Variants in GPC5 observed in about 807,000 individuals in gnomAD.
GPC5 encodes glypican-5.
In GPC5, 47 loss-of-function variants were observed where a neutral mutation model predicts 53.9. The ratio of observed to expected loss-of-function variants is 0.87; its 90% confidence interval spans 0.69 to 1.11. GPC5 has a LOEUF of 1.11. Ranked by LOEUF, GPC5 falls within the 50% of genes most tolerant of loss-of-function variation. GPC5 has a pLI of 0.00. For synonymous variants in GPC5, 286 were observed against 263.3 expected (o/e 1.09, Z -0.84); for missense variants, 748 against 713.1 (o/e 1.05, Z -0.56).
At chr13:92,258,620 A>C (rs1479055320) in intron 7 of GPC5, among the ~76,000 whole-genome samples, 1 of 152,188 alleles carries the variant, frequency 6.6e-6, no homozygotes, top group Non-Finnish European at 1.5e-5. Context: ...TGTAACTAGG[A>C]GTTAATAGTC....
intron 7 of GPC5, among the ~76,000 whole-genome samples, chr13:92,679,881 A>AC (rs1247280231): frequency 2.7e-4 from 30 of 111,624 alleles, no homozygotes; most frequent in South Asian, 7.0e-4. Context: ...TCCTCTCTCC[A>AC]CCCCCCCACC....
At chr13:92,050,233 G>A (rs973347928) in intron 6 of GPC5, among the ~76,000 whole-genome samples, 2 of 152,036 alleles carry the variant, frequency 1.3e-5, no homozygotes. Context: ...ATTGTTTTAG[G>A]TAAAACATAT....
At chr13:92,058,998 C>G (rs970977519) in intron 6 of GPC5, among the ~76,000 whole-genome samples, 3 of 152,174 alleles carry the variant, frequency 2.0e-5, no homozygotes, top group Non-Finnish European at 2.9e-5. Flanking sequence ...CATTTTTGCT[C>G]ATAAAAAACT....
intron 5 of GPC5, among the ~76,000 whole-genome samples, chr13:91,811,250 A>C (rs531603930): frequency 7.9e-5 from 12 of 152,184 alleles, no homozygotes; most frequent in Admixed American, 5.9e-4. Context: ...CTGATATATT[A>C]AGACTAATTT....
intron 7 of GPC5, among the ~76,000 whole-genome samples, chr13:92,860,580 T>A (rs1283823615): frequency 6.6e-6 from 1 of 152,150 alleles, no homozygotes; most frequent in Admixed American, 6.6e-5. Context: ...TTTGTTAGAA[T>A]CCTTAATGTC....
intron 4 of GPC5, among the ~76,000 whole-genome samples, chr13:91,731,883 AG>A (rs766149736): frequency 1.3e-5 from 2 of 152,172 alleles, no homozygotes; most frequent in Non-Finnish European, 2.9e-5. Context: ...ATGGCTGCAT[AG>A]TATTCCATGG....
At chr13:92,852,712 A>G (rs1242553275) in intron 7 of GPC5, among the ~76,000 whole-genome samples, 2 of 152,184 alleles carry the variant, frequency 1.3e-5, no homozygotes, top group Non-Finnish European at 2.9e-5. Context: ...CTGGGATTAC[A>G]GGCATGAGCC....
At chr13:92,699,411 T>TTG (rs1011038613) in intron 7 of GPC5, among the ~76,000 whole-genome samples, 3 of 146,580 alleles carry the variant, frequency 2.0e-5, no homozygotes, top group African/African-American at 7.8e-5. Context: ...GAAGGGTTTT[T>TTG]TGTGTCTCTC....
At chr13:92,595,406 G>A (rs942579606) in intron 7 of GPC5, among the ~76,000 whole-genome samples, 1 of 152,166 alleles carries the variant, frequency 6.6e-6, no homozygotes, top group African/African-American at 2.4e-5. Flanking sequence ...AATGTTTGCA[G>A]TAAGAGTCGC....
At chr13:91,434,499 A>G (rs575282222) in intron 1 of GPC5, among the ~76,000 whole-genome samples, 125 of 152,078 alleles carry the variant, frequency 8.2e-4, no homozygotes, top group Non-Finnish European at 1.4e-3. Flanking sequence ...TTTGTCAAAG[A>G]TCAGATGGTT....
At chr13:91,581,737 C>T (rs553202553) in intron 2 of GPC5, among the ~76,000 whole-genome samples, 4 of 151,950 alleles carry the variant, frequency 2.6e-5, no homozygotes, top group Non-Finnish European at 4.4e-5. Context: ...CTCAGTGTAA[C>T]GACTTCTCAA....
chr13:91,621,759 CATT>C lies in GPC5; in HGVS notation c.326-71425_326-71423del, dbSNP rs1186036979. Reference sequence around the variant, plus strand: ...GTCAGGGTTCTCTAAAGGGACAGAACATTATATATATATATATATATATATATA... The same window carrying C: ...GTCAGGGTTCTCTAAAGGGACAGAACATATATATATATATATATATATATA... On this transcript the variant is annotated intron_variant, in intron 2 of 7. Transcript: ENST00000377067. Among the ~76,000 whole-genome samples the C allele has an allele frequency of 5.1e-3, 547 of 107,416 alleles. 94 individuals carry two copies. Among genetic ancestry groups the C allele is most frequent in the African/African-American group, 0.027 (480 of 17,778 alleles). The allele number at this position is 107,416 out of a possible 152,430, so 70.5% of individuals were successfully genotyped here.
intron 7 of GPC5, among the ~76,000 whole-genome samples, chr13:92,541,477 C>T (rs930504272): frequency 6.6e-6 from 1 of 151,604 alleles, no homozygotes; most frequent in African/African-American, 2.4e-5. Context: ...TTGTGTTGTG[C>T]CTGTTAAATT....
Position 91,897,368 on chromosome 13 carries a change from T to TGTGTGTGC in GPC5, c.1281-10568_1281-10567insTGTGTGCG, listed in dbSNP as rs1555295196. On this transcript the variant is annotated intron_variant, in intron 5 of 7. Transcript: ENST00000377067. ...GTGTGTGTGTGTGTGTGTGTGTGTG[T>TGTGTGTGC]GCGCCTGTGCATGTGTATGCATTTC... is the stretch of plus-strand genomic sequence containing the variant. 3.8e-3 allele frequency among the ~76,000 whole-genome samples: 575 copies of TGTGTGTGC among 149,528 alleles called. 1 individual carries two copies. The highest frequency in any genetic ancestry group is 8.0e-3 in the Admixed American group (119 of 14,918).
At chr13:91,797,713 CT>C (rs941065119) in intron 5 of GPC5, among the ~76,000 whole-genome samples, 2 of 152,164 alleles carry the variant, frequency 1.3e-5, no homozygotes, top group African/African-American at 4.8e-5. Context: ...AGACAGAGTG[CT>C]TTTCCTGCTA....
chr13:92,092,686 T>G (rs1350067255), intron 6 of GPC5, among the ~76,000 whole-genome samples: 3 of 152,196 alleles, frequency 2.0e-5, no homozygotes. Context: ...TTTATGAAAC[T>G]TGACATCCTC....
intron 7 of GPC5, among the ~76,000 whole-genome samples, chr13:92,695,882 T>G (rs184421971): frequency 1.6e-3 from 245 of 152,096 alleles, no homozygotes; most frequent in African/African-American, 5.7e-3. Context: ...CCCCGGTGTG[T>G]GGTGTTCCCC....
chr13:92,031,667 G>A (rs2040842195), intron 6 of GPC5, among the ~76,000 whole-genome samples: 1 of 105,576 alleles, frequency 9.5e-6, no homozygotes, highest in Non-Finnish European at 1.8e-5. Flanking sequence ...AAGAAATTGT[G>A]GTATATATAA....
At chr13:91,594,627 G>GT (rs66508473) in intron 2 of GPC5, among the ~76,000 whole-genome samples, 1 of 151,548 alleles carries the variant, frequency 6.6e-6, no homozygotes, top group African/African-American at 2.4e-5. Context: ...TTTTCTTTTT[G>GT]TTTTTTTTTC....
Sources: gnomAD v4.1 joint callset for allele counts (sites outside exome capture counted in the v4.1 genomes callset) on GRCh38, gnomAD v4.1.1 for gene constraint, MANE v1.5 for transcripts, NCBI Gene and HGNC (gene_info 2026-07-23, HGNC 2026-07-21) for gene names.